EEF2KMT: variants seen among roughly 807,000 people sequenced by gnomAD.
The protein encoded by EEF2KMT is eukaryotic elongation factor 2 lysine methyltransferase.
In EEF2KMT, 30 loss-of-function variants were observed where a neutral mutation model predicts 35.1. That is an observed-to-expected ratio of 0.85 (90% CI 0.64 to 1.16). EEF2KMT has a LOEUF of 1.16. Ranked by LOEUF, EEF2KMT falls within the 50% of genes most tolerant of loss-of-function variation. EEF2KMT has a pLI of 0.00. For synonymous variants in EEF2KMT, 190 were observed against 187.7 expected (o/e 1.01, Z -0.10); for missense variants, 499 against 438.2 (o/e 1.14, Z -1.24).
rs1957321501 is a variant in EEF2KMT at position 5,090,544 on chromosome 16, G to T, written c.364C>A (p.Leu122Ile). The T allele has an allele frequency of 5.6e-6, 9 of 1,612,018 alleles. No homozygotes were observed. The highest frequency in any genetic ancestry group is 7.6e-6 in the Non-Finnish European group (9 of 1,179,842). ...GAGATGATGGCCGTGCTCTCGGAGA[G>T]TGTGACCGAGCCTCCCGAGGGCTGC... ...YLLPSGGSVT[L>I]SESTAIISYG... The change falls in exon 5 of 8, where the codon CTC becomes ATC. Residue 122 changes from leucine to isoleucine, a missense_variant. Physicochemically the swap from Leu to Ile is conservative, Grantham distance 5. Coordinates refer to ENST00000427587, the MANE Select transcript of EEF2KMT (RefSeq NM_201400.4). The surrounding 1 kb of genome is among the most constrained non-coding windows in gnomAD (Gnocchi z 4.1).
intron 7 of EEF2KMT, 25 bp from the exon 8 acceptor site, chr16:5,085,757 A>T: frequency 6.4e-7 from 1 of 1,564,674 alleles, no homozygotes; most frequent in Non-Finnish European, 8.8e-7. Context: ...CATGTGTTTG[A>T]GGATGGCGGT....
At position 5,084,959 on chromosome 16, in the gene EEF2KMT, C is replaced by T; in HGVS notation, c.*673G>A. The T allele has an allele frequency of 6.3e-7, 1 of 1,594,618 alleles. No homozygotes were observed. The stretch of plus-strand genomic sequence containing the variant: ...TCTTCTTGGAGTCTCAGGGCAAACC[C>T]TTTCGAGCAGCACCTCCCAGTGGCC... On this transcript the variant is annotated 3_prime_UTR_variant, in exon 8 of 8. Coordinates refer to ENST00000427587, the MANE Select transcript of EEF2KMT (RefSeq NM_201400.4).
chr16:5,085,735 G>A lies in EEF2KMT; in HGVS notation c.893-3C>T, dbSNP rs1957137837. 5.0e-6 allele frequency: 8 copies of A among 1,608,264 alleles called. No individual in the cohort carries two copies. Among genetic ancestry groups the A allele is most frequent in the Non-Finnish European group, 5.9e-6 (7 of 1,176,546 alleles). ...TTCCCATCTGATCCCGGCCCGGCCT[G>A]GAAACAGAGCACATGTGTTTGAGGA... On this transcript the variant is annotated splice_region_variant and splice_polypyrimidine_tract_variant and intron_variant, in intron 7 of 7. Transcript: ENST00000427587.
In EEF2KMT at chr16:5,091,924, T is replaced by C. The variant is rs1957348270; in HGVS notation, c.241-29A>G. On this transcript the variant is annotated intron_variant, in intron 3 of 7. Transcript: ENST00000427587. The stretch of plus-strand genomic sequence containing the variant: ...GGGGCAGACAGAGTGAGAGCTTGTT[T>C]GCTTTCGTTCTAATCTGTAAAAATG... The C allele has an allele frequency of 2.5e-6, 4 of 1,610,836 alleles. No homozygotes were observed. The East Asian group carries it at 8.9e-5, about 36-fold the overall frequency.
chr16:5,089,944 C>T (rs1957304972), intron 6 of EEF2KMT, 140 bp downstream of exon 6: 1 of 1,449,254 alleles, frequency 6.9e-7, no homozygotes, highest in Non-Finnish European at 9.2e-7. Context: ...TGATGTCACC[C>T]TGGAGGCCCA....
intron 3 of EEF2KMT, among the ~76,000 whole-genome samples, chr16:5,092,913 T>C (rs1957371503): frequency 6.6e-6 from 1 of 152,088 alleles, no homozygotes; most frequent in East Asian, 1.9e-4. Context: ...GGAGCCGAGA[T>C]TGTGTCACGG....
intron 7 of EEF2KMT, chr16:5,086,707 G>C (rs1341195146): frequency 6.6e-6 from 1 of 152,172 alleles, no homozygotes; most frequent in Non-Finnish European, 1.5e-5. Flanking sequence ...GTTTTACTCT[G>C]TTCCCCAGGC....
intron 2 of EEF2KMT, among the ~76,000 whole-genome samples, chr16:5,094,214 A>G (rs568721669): frequency 6.6e-6 from 1 of 152,328 alleles, no homozygotes; most frequent in Non-Finnish European, 1.5e-5. Context: ...GATTCTGCCC[A>G]AGGGCAGCAA....
Position 5,097,635 on chromosome 16 carries a change from G to C in EEF2KMT, c.96+9C>G. ...CCCCGCGGGCCTCTCCGCTCGCCCC[G>C]CCGCCCACCTGCCAGGGGAAGGAGC... is the stretch of plus-strand genomic sequence containing the variant. On this transcript the variant is annotated intron_variant, in intron 1 of 7. Transcript: ENST00000427587. 2 of 1,553,136 alleles carry C rather than the reference G, an allele frequency of 1.3e-6. No homozygotes were observed. The highest frequency in any genetic ancestry group is 8.7e-7 in the Non-Finnish European group (1 of 1,156,056).
chr16:5,085,032 C>A lies in EEF2KMT; in HGVS notation c.*600G>T. The A allele has an allele frequency of 7.0e-7, 1 of 1,425,318 alleles. No individual in the cohort carries two copies. Among genetic ancestry groups the A allele is most frequent in the Non-Finnish European group, 9.6e-7 (1 of 1,042,056 alleles). The allele number at this position is 1,425,318 out of a possible 1,614,324, so 88.3% of individuals were successfully genotyped here. A position where few individuals can be genotyped will look rare whatever the true frequency, so the allele number is the denominator to read the frequency against. On this transcript the variant is annotated 3_prime_UTR_variant, in exon 8 of 8. Transcript: ENST00000427587. ...GTACTGCCTGGTAAAAGAATTGGTTCTGTGACCCGGGAAGCTTTGGTTGGC... is the reference window on the plus strand; with the variant it reads ...GTACTGCCTGGTAAAAGAATTGGTTATGTGACCCGGGAAGCTTTGGTTGGC...
intron 7 of EEF2KMT, among the ~76,000 whole-genome samples, chr16:5,088,319 T>C (rs1024793359): frequency 2.4e-4 from 36 of 152,280 alleles, no homozygotes; most frequent in Middle Eastern, 3.4e-3. Flanking sequence ...TTGTTGGCTC[T>C]GTAGTTAACG....
Position 5,084,491 on chromosome 16 carries a change from G to T in EEF2KMT, c.*1141C>A, listed in dbSNP as rs2142730949. 1 of 615,178 alleles carries T rather than the reference G, an allele frequency of 1.6e-6. No homozygotes were observed. Among genetic ancestry groups the T allele is most frequent in the East Asian group, 2.9e-5 (1 of 35,002 alleles). The allele number at this position is 615,178 out of a possible 1,614,324, so 38.1% of individuals were successfully genotyped here. Reference sequence around the variant, plus strand: ...GAGAGGAGGGTGCTCACAGGGGAATGGGCAGCACGTAGAGGCCGGGAGGTG... The same window carrying T: ...GAGAGGAGGGTGCTCACAGGGGAATTGGCAGCACGTAGAGGCCGGGAGGTG... On this transcript the variant is annotated 3_prime_UTR_variant, in exon 8 of 8. Transcript: ENST00000427587.
Position 5,095,483 on chromosome 16 carries a change from T to A in EEF2KMT, c.128A>T (p.Asp43Val), listed in dbSNP as rs1255345946. ...SLEAKLRDSS[D>V]SELLRDILHK... is the part of the protein sequence containing the mutation. ...CAAAATATCCCGCAGCAGCTCAGAA[T>A]CTGATGAGTCTCTTAACTTTGCTTC... Residue 43 changes from aspartate to valine, a missense_variant, in exon 2 of 8, where the codon GAT becomes GTT. Coordinates refer to ENST00000427587, the MANE Select transcript of EEF2KMT (RefSeq NM_201400.4). 2 of 1,611,484 alleles carry A rather than the reference T, an allele frequency of 1.2e-6. No individual in the cohort carries two copies. The highest frequency in any genetic ancestry group is 3.3e-5 in the Admixed American group (2 of 60,006).
rs372863464 is a variant in EEF2KMT at position 5,090,458 on chromosome 16, G to A, written c.450C>T (p.Ile150=). 286 of 1,611,892 alleles carry A rather than the reference G, an allele frequency of 1.8e-4. 1 individual carries two copies. The Middle Eastern group carries it at 2.3e-3, about 13-fold the overall frequency. ...DAALYLAEWA[I]ENPAVFTNRT... ...TGTTAGTGAAGACTGCCGGGTTCTC[G>A]ATGGCCCATTCTGCAAGGTAGAGGG... Residue 150 remains isoleucine (I), a synonymous_variant, in exon 5 of 8, where the codon ATC becomes ATT. Transcript: ENST00000427587. This position sits in a 1 kb window ranked among gnomAD's most constrained non-coding sequence, Gnocchi z 4.1.
At chr16:5,088,735 C>T (rs1007102766) in intron 7 of EEF2KMT, among the ~76,000 whole-genome samples, 5 of 152,152 alleles carry the variant, frequency 3.3e-5, no homozygotes, top group Admixed American at 2.0e-4. Flanking sequence ...GTGGATCCGC[C>T]TGTACATCCT....
intron 2 of EEF2KMT, among the ~76,000 whole-genome samples, chr16:5,094,131 ACGG>A (rs1009515272): frequency 9.9e-5 from 15 of 152,158 alleles, no homozygotes; most frequent in African/African-American, 3.6e-4. Flanking sequence ...AGGAGTGGGG[ACGG>A]CGGGAAAACA....
chr16:5,093,698 T>G, intron 2 of EEF2KMT, 134 bp from the exon 3 acceptor site: 1 of 1,506,636 alleles, frequency 6.6e-7, no homozygotes, highest in Non-Finnish European at 8.9e-7. Flanking sequence ...CACAGCGTTT[T>G]GGCCCCATGC....
At chr16:5,093,933 G>A (rs557144460) in intron 2 of EEF2KMT, among the ~76,000 whole-genome samples, 53 of 152,348 alleles carry the variant, frequency 3.5e-4, no homozygotes, top group African/African-American at 1.2e-3. Flanking sequence ...CTCGGCAACT[G>A]CTCTCTTGGA....
intron 1 of EEF2KMT, among the ~76,000 whole-genome samples, chr16:5,096,446 T>C (rs565471800): frequency 2.0e-5 from 3 of 152,328 alleles, no homozygotes; most frequent in African/African-American, 7.2e-5. Context: ...TTATTAAACA[T>C]TTTGAGACTG....
Sources: allele counts gnomAD v4.1 joint callset (sites outside exome capture counted in the v4.1 genomes callset), GRCh38; gene constraint gnomAD v4.1.1; non-coding constraint Gnocchi (gnomAD v3.1); transcripts MANE v1.5; gene names NCBI Gene and HGNC (gene_info 2026-07-23, HGNC 2026-07-21).